Variants in PCSK5 observed in about 807,000 individuals in gnomAD.
PCSK5 encodes the protein prohormone convertase 5.
A neutral mutation model predicts 233.2 loss-of-function variants in PCSK5; 129 were observed. That is an observed-to-expected ratio of 0.55 (90% confidence interval 0.48 to 0.64). The LOEUF is 0.64. Among genes scored for constraint, PCSK5 ranks in the 30% least tolerant of loss-of-function variants. The pLI, the probability that PCSK5 is intolerant of heterozygous loss-of-function variation, is 0.00. For synonymous variants in PCSK5, 825 were observed against 879.2 expected (o/e 0.94, Z 1.09); for missense variants, 2,076 against 2,430.1 (o/e 0.85, Z 3.06).
intron 5 of PCSK5, among the ~76,000 whole-genome samples, chr9:76,064,132 G>C: frequency 8.4e-6 from 1 of 119,540 alleles, no homozygotes; most frequent in African/African-American, 3.9e-5. Flanking sequence ...GCTGGGCGGA[G>C]GGCTGACCCC....
chr9:76,105,811 A>G (rs1435360117), intron 8 of PCSK5, among the ~76,000 whole-genome samples: 1 of 152,208 alleles, frequency 6.6e-6, no homozygotes, highest in Admixed American at 6.5e-5. Context: ...CCTATCTAGT[A>G]CAGATAATCT....
intron 5 of PCSK5, among the ~76,000 whole-genome samples, chr9:76,044,742 C>A (rs1339865844): frequency 6.6e-6 from 1 of 152,116 alleles, no homozygotes; most frequent in South Asian, 2.1e-4. Flanking sequence ...CCTGTTACTC[C>A]TTTGTGGGAA....
chr9:76,198,833 T>G (rs1276440209), intron 20 of PCSK5, among the ~76,000 whole-genome samples: 1 of 152,156 alleles, frequency 6.6e-6, no homozygotes, highest in Non-Finnish European at 1.5e-5. Flanking sequence ...TCCGTTTAAG[T>G]GCCTTTAAAG....
At chr9:76,356,423 G>C (rs561387836) in intron 37 of PCSK5, among the ~76,000 whole-genome samples, 1 of 152,316 alleles carries the variant, frequency 6.6e-6, no homozygotes, top group East Asian at 1.9e-4. Context: ...ACCTGGGATG[G>C]AGAATAGTAA....
At chr9:75,999,235 G>A (rs13291444) in intron 3 of PCSK5, among the ~76,000 whole-genome samples, 82,852 of 151,554 alleles carry the variant, frequency 0.55, 23,575 homozygotes, top group Middle Eastern at 0.66. Context: ...AACAGGCCTC[G>A]GTGTGTGATG....
chr9:76,333,585 G>T (rs907270143), intron 34 of PCSK5, among the ~76,000 whole-genome samples: 2 of 152,152 alleles, frequency 1.3e-5, no homozygotes, highest in Admixed American at 6.5e-5. Flanking sequence ...TTATCAGAAG[G>T]TCTGATTGCC....
intron 10 of PCSK5, among the ~76,000 whole-genome samples, chr9:76,154,646 C>T (rs944082965): frequency 8.5e-5 from 13 of 152,142 alleles, no homozygotes; most frequent in African/African-American, 3.1e-4. Context: ...TAGTTTAAAA[C>T]CACTTGACAC....
chr9:75,960,799 A>G (rs1268982755), intron 2 of PCSK5, among the ~76,000 whole-genome samples: 1 of 152,156 alleles, frequency 6.6e-6, no homozygotes, highest in African/African-American at 2.4e-5. Context: ...GCCATAAATT[A>G]TACTCTTCCA....
chr9:76,020,698 G>C (rs1301938948), intron 3 of PCSK5, among the ~76,000 whole-genome samples: 1 of 152,194 alleles, frequency 6.6e-6, no homozygotes, highest in Non-Finnish European at 1.5e-5. Context: ...AAGGAACCTA[G>C]TTGCTTCACT....
intron 1 of PCSK5, among the ~76,000 whole-genome samples, chr9:75,907,732 G>T (rs146053993): frequency 0.022 from 3,327 of 152,234 alleles, 115 homozygotes; most frequent in African/African-American, 0.074. Flanking sequence ...AAAGTCTTTT[G>T]TCTATTGGAG....
chr9:76,273,568 TATATATAC>T (rs202034325), intron 24 of PCSK5, among the ~76,000 whole-genome samples: 806 of 53,266 alleles, frequency 0.015, 28 homozygotes, highest in African/African-American at 0.048. Flanking sequence ...AATAGTAATA[TATATATAC>T]ATATATATAT....
chr9:75,926,197 G>A (rs906405713), intron 1 of PCSK5, among the ~76,000 whole-genome samples: 1 of 149,498 alleles, frequency 6.7e-6, no homozygotes, highest in Non-Finnish European at 1.5e-5. Context: ...GAAATAACCA[G>A]AATTCAGAAA....
intron 2 of PCSK5, among the ~76,000 whole-genome samples, chr9:75,932,990 C>T (rs1221766310): frequency 2.0e-5 from 3 of 152,126 alleles, no homozygotes; most frequent in Admixed American, 6.5e-5. Flanking sequence ...GGATACTGAA[C>T]ACAGAAAGGG....
intron 2 of PCSK5, among the ~76,000 whole-genome samples, chr9:75,951,631 T>G (rs919424855): frequency 3.9e-5 from 6 of 152,118 alleles, no homozygotes; most frequent in Admixed American, 3.9e-4. Context: ...ATCCTTTGCT[T>G]TATGTATTAA....
At chr9:75,983,214 A>G (rs1041680515) in intron 2 of PCSK5, among the ~76,000 whole-genome samples, 3 of 152,164 alleles carry the variant, frequency 2.0e-5, no homozygotes, top group African/African-American at 7.2e-5. Context: ...TGCAGGATGC[A>G]TTTTTAAAGC....
intron 24 of PCSK5, among the ~76,000 whole-genome samples, chr9:76,281,982 A>C (rs977222826): frequency 1.3e-5 from 2 of 151,948 alleles, no homozygotes; most frequent in South Asian, 2.1e-4. Flanking sequence ...GTGTATGGCA[A>C]TAGCTGCCGT....
intron 36 of PCSK5, among the ~76,000 whole-genome samples, chr9:76,352,134 G>C (rs1353432989): frequency 6.6e-6 from 1 of 152,198 alleles, no homozygotes; most frequent in Admixed American, 6.5e-5. Flanking sequence ...GAGGGCTGCT[G>C]CTTGCCCATC....
intron 24 of PCSK5, among the ~76,000 whole-genome samples, chr9:76,249,912 T>A (rs1826746610): frequency 6.6e-6 from 1 of 152,116 alleles, no homozygotes; most frequent in African/African-American, 2.4e-5. Flanking sequence ...TATCCATGAG[T>A]TCATACAAAT....
chr9:76,220,280 ACT>A (rs778867575), intron 20 of PCSK5, among the ~76,000 whole-genome samples: 3 of 152,140 alleles, frequency 2.0e-5, no homozygotes, highest in Non-Finnish European at 4.4e-5. Flanking sequence ...TAATACCAGC[ACT>A]TTGGGAGGCT....
Sources: allele counts gnomAD v4.1 joint callset (sites outside exome capture counted in the v4.1 genomes callset), GRCh38; gene constraint gnomAD v4.1.1; transcripts MANE v1.5; gene names NCBI Gene and HGNC (gene_info 2026-07-23, HGNC 2026-07-21).